TRPC4AP: variants seen among roughly 807,000 people sequenced by gnomAD.
TRPC4AP encodes transient receptor potential cation channel subfamily C member 4 associated protein.
In TRPC4AP, 45 loss-of-function variants were observed where a neutral mutation model predicts 99.0. The observed-to-expected ratio is 0.45, with a 90% CI of 0.36 to 0.58. The LOEUF (loss-of-function observed/expected upper bound fraction) is 0.58, where lower values mean the gene tolerates loss of function less well. Ranked by LOEUF, TRPC4AP falls within the 20% of genes least tolerant of loss-of-function variation. The probability of loss-of-function intolerance (pLI) is 0.00; values close to 1 mark genes in which losing one functional copy is unlikely to be tolerated. For missense variants in TRPC4AP, 879 were observed against 985.3 expected (o/e 0.89, Z 1.44); for synonymous variants, 408 against 385.8 (o/e 1.06, Z -0.67).
chr20:35,073,317 A>AT (rs2084374462), intron 2 of TRPC4AP, among the ~76,000 whole-genome samples: 1 of 152,172 alleles, frequency 6.6e-6, no homozygotes, highest in Non-Finnish European at 1.5e-5. Context: ...ACTATGTTGA[A>AT]TAGGAGTGTG....
intron 7 of TRPC4AP, among the ~76,000 whole-genome samples, chr20:35,036,693 T>A (rs1381005031): frequency 6.6e-6 from 1 of 151,942 alleles, no homozygotes; most frequent in African/African-American, 2.4e-5. Context: ...ATGCCTGTAA[T>A]CCTAGCACTT....
intron 12 of TRPC4AP, among the ~76,000 whole-genome samples, chr20:35,009,399 A>T (rs1366749299): frequency 6.6e-6 from 1 of 152,176 alleles, no homozygotes; most frequent in Non-Finnish European, 1.5e-5. Flanking sequence ...TCACACCTGT[A>T]ATCCCTGGAC....
chr20:35,014,851 C>T (rs2082715009), intron 10 of TRPC4AP, among the ~76,000 whole-genome samples: 1 of 152,148 alleles, frequency 6.6e-6, no homozygotes, highest in African/African-American at 2.4e-5. Flanking sequence ...AGAGTATTAT[C>T]CTTCTTTTGC....
chr20:35,092,789 C>T lies in TRPC4AP; in HGVS notation c.-8G>A. The T allele has an allele frequency of 6.6e-7, 1 of 1,526,524 alleles. No homozygotes were observed. The highest frequency in any genetic ancestry group is 8.7e-7 in the Non-Finnish European group (1 of 1,149,488). The allele number at this position is 1,526,524 out of a possible 1,614,324, so 94.6% of individuals were successfully genotyped here. ...TACCGGCGCCGCCGCCATGTCTCCT[C>T]GTCGGACAAACAGGAAGCAAGCGGC... On this transcript the variant is annotated 5_prime_UTR_variant, in exon 1 of 19. Coordinates refer to ENST00000252015, the MANE Select transcript of TRPC4AP (RefSeq NM_015638.3).
intron 1 of TRPC4AP, among the ~76,000 whole-genome samples, chr20:35,089,182 T>C (rs1177342682): frequency 6.6e-6 from 1 of 151,918 alleles, no homozygotes; most frequent in Non-Finnish European, 1.5e-5. Flanking sequence ...CCTATACACT[T>C]ATAAATGGTT....
At chr20:35,053,367 T>C (rs947962687) in intron 5 of TRPC4AP, among the ~76,000 whole-genome samples, 1 of 152,234 alleles carries the variant, frequency 6.6e-6, no homozygotes, top group African/African-American at 2.4e-5. Context: ...AACTGTTTTA[T>C]TGGAATGTCA....
chr20:35,038,222 G>C (rs903304870), intron 7 of TRPC4AP, among the ~76,000 whole-genome samples: 2 of 150,880 alleles, frequency 1.3e-5, no homozygotes, highest in East Asian at 3.9e-4. Context: ...TTTATGTTAC[G>C]TGACTTCCAT....
chr20:35,054,806 C>T (rs939707257), intron 5 of TRPC4AP, among the ~76,000 whole-genome samples, 170 bp downstream of exon 5: 2 of 152,152 alleles, frequency 1.3e-5, no homozygotes, highest in Admixed American at 1.3e-4. Flanking sequence ...TCTGCCTCCC[C>T]GTAATTTCTA....
At chr20:35,082,327 T>C (rs964926483) in intron 1 of TRPC4AP, among the ~76,000 whole-genome samples, 14 of 152,002 alleles carry the variant, frequency 9.2e-5, no homozygotes, top group Non-Finnish European at 1.5e-4. Context: ...CAAATACAAA[T>C]AGAACATTTG....
At chr20:35,005,924 G>A in intron 15 of TRPC4AP, 121 bp from the exon 16 acceptor site, 1 of 789,070 alleles carries the variant, frequency 1.3e-6, no homozygotes, top group South Asian at 1.7e-5. Flanking sequence ...CTTCAGATAG[G>A]AAGACAGAGG....
intron 5 of TRPC4AP, among the ~76,000 whole-genome samples, chr20:35,051,615 T>TAAAAAAAAA (rs56666362): frequency 8.7e-6 from 1 of 115,422 alleles, no homozygotes. Flanking sequence ...ACTGACACAT[T>TAAAAAAAAA]AAAAAAAAAA....
intron 5 of TRPC4AP, among the ~76,000 whole-genome samples, chr20:35,052,020 T>A (rs1297624051): frequency 6.6e-6 from 1 of 151,960 alleles, no homozygotes; most frequent in African/African-American, 2.4e-5. Flanking sequence ...ACTAAAACAA[T>A]ATATAAAAGG....
At chr20:35,080,804 G>GTT (rs34370030) in intron 1 of TRPC4AP, among the ~76,000 whole-genome samples, 2 of 49,542 alleles carry the variant, frequency 4.0e-5, no homozygotes, top group Non-Finnish European at 9.8e-5. Flanking sequence ...GTACACTTCA[G>GTT]TTTTTTTTTT....
chr20:35,027,739 A>C (rs768155943), intron 8 of TRPC4AP, among the ~76,000 whole-genome samples: 3 of 152,074 alleles, frequency 2.0e-5, no homozygotes, highest in Non-Finnish European at 4.4e-5. Flanking sequence ...TAGCTGCAAT[A>C]GTTTGTGTCT....
intron 3 of TRPC4AP, among the ~76,000 whole-genome samples, chr20:35,066,267 G>T (rs770978834): frequency 6.6e-6 from 1 of 151,930 alleles, no homozygotes; most frequent in Non-Finnish European, 1.5e-5. Flanking sequence ...TACCACAATC[G>T]GCTAATTTTT....
chr20:35,076,236 A>G (rs113331649), intron 2 of TRPC4AP, among the ~76,000 whole-genome samples: 5 of 88,082 alleles, frequency 5.7e-5, no homozygotes, highest in African/African-American at 1.7e-4. Flanking sequence ...GTTTGTTATT[A>G]CTGATCATCT....
At chr20:35,037,856 C>G (rs1229140475) in intron 7 of TRPC4AP, among the ~76,000 whole-genome samples, 2 of 152,110 alleles carry the variant, frequency 1.3e-5, no homozygotes, top group Non-Finnish European at 2.9e-5. Context: ...CAGAAACATG[C>G]TGTACAGGTT....
chr20:35,021,122 C>A, intron 9 of TRPC4AP, 68 bp downstream of exon 9: 2 of 1,551,022 alleles, frequency 1.3e-6, no homozygotes, highest in Admixed American at 3.5e-5. Flanking sequence ...CAGTGGAGCA[C>A]CTGGCATACC....
chr20:35,044,800 G>GGC lies in TRPC4AP; in HGVS notation c.658-90_658-89dup. On this transcript the variant is annotated intron_variant, in intron 6 of 18. Coordinates refer to ENST00000252015, the MANE Select transcript of TRPC4AP (RefSeq NM_015638.3). ...CTCTTTCGCATCCCCTTACATACGGGGCTTAGTGGCTAGATCACTTAGGTT... is the reference window on the plus strand; with the variant it reads ...CTCTTTCGCATCCCCTTACATACGGGGCGCTTAGTGGCTAGATCACTTAGGTT... 2.4e-6 allele frequency: 3 copies of GGC among 1,237,462 alleles called. No homozygotes were observed. In the South Asian group the frequency reaches 3.9e-5, roughly 16 times the overall value. The allele number at this position is 1,237,462 out of a possible 1,614,324, so 76.7% of individuals were successfully genotyped here. A position where few individuals can be genotyped will look rare whatever the true frequency, so the allele number is the denominator to read the frequency against.
Sources: allele counts gnomAD v4.1 joint callset (sites outside exome capture counted in the v4.1 genomes callset), GRCh38; gene constraint gnomAD v4.1.1; transcripts MANE v1.5; gene names NCBI Gene and HGNC (gene_info 2026-07-23, HGNC 2026-07-21).